RBFOX1: variants seen among roughly 807,000 people sequenced by gnomAD.
RBFOX1 encodes RNA binding fox-1 homolog 1.
Under a neutral mutation model 57.7 loss-of-function variants are expected in RBFOX1, and 8 were observed. The observed-to-expected ratio is 0.14, with a 90% CI of 0.08 to 0.25. RBFOX1 has a LOEUF of 0.25. Ranked by LOEUF, RBFOX1 falls within the 10% of genes least tolerant of loss-of-function variation. RBFOX1 has a pLI of 1.00. For missense variants in RBFOX1, 611 were observed against 548.5 expected, an observed-to-expected ratio of 1.11 and a Z score of -1.14; for synonymous variants, 326 against 222.4, an observed-to-expected ratio of 1.47 and a Z score of -4.15.
chr16:6,521,112 A>C (rs186098410), intron 2 of RBFOX1, among the ~76,000 whole-genome samples: 16 of 152,320 alleles, frequency 1.1e-4, no homozygotes, highest in Non-Finnish European at 1.8e-4. Context: ...GGTGGGAAGC[A>C]GGCTTACTAG....
chr16:6,114,025 C>T (rs533166247), intron 1 of RBFOX1, among the ~76,000 whole-genome samples: 3 of 143,214 alleles, frequency 2.1e-5, no homozygotes, highest in African/African-American at 8.3e-5. Flanking sequence ...AAACTACTGC[C>T]ACCTGGGGAG....
At chr16:5,651,912 C>A (rs967079361) in intron 3 of RBFOX1, among the ~76,000 whole-genome samples, 4 of 152,114 alleles carry the variant, frequency 2.6e-5, no homozygotes, top group African/African-American at 9.7e-5. Context: ...GCAGGAGGAT[C>A]GCTTGAGGTC....
At chr16:5,693,367 C>CAAAA (rs71142645) in intron 3 of RBFOX1, among the ~76,000 whole-genome samples, 1 of 148,370 alleles carries the variant, frequency 6.7e-6, no homozygotes. Context: ...ATAGGCAGAT[C>CAAAA]AAAAAAAAAA....
chr16:7,580,861 A>G (rs932741566), intron 6 of RBFOX1, among the ~76,000 whole-genome samples: 1 of 152,192 alleles, frequency 6.6e-6, no homozygotes, highest in Admixed American at 6.5e-5. Flanking sequence ...ATTCAATGAA[A>G]AGAACTACAT....
In RBFOX1 at chr16:6,639,604, C is replaced by T. The variant is rs537621608; in HGVS notation, c.-63-14999C>T. On this transcript the variant is annotated intron_variant, in intron 2 of 15. Transcript: ENST00000550418. ...AAAGATTACAATTGTGGGCCGGGCA[C>T]GGTGGCTCACGCCTGTAATCCCAGC... Among the ~76,000 whole-genome samples, 210 of 152,246 alleles carry T rather than the reference C, an allele frequency of 1.4e-3. 2 individuals carry two copies. Among genetic ancestry groups the T allele is most frequent in the Non-Finnish European group, 2.1e-3 (145 of 68,018 alleles).
At chr16:7,673,170 C>A (rs1170351892) in intron 13 of RBFOX1, among the ~76,000 whole-genome samples, 1 of 152,086 alleles carries the variant, frequency 6.6e-6, no homozygotes, top group Non-Finnish European at 1.5e-5. Flanking sequence ...GTTTCCCCTC[C>A]CCTATTTCAC....
intron 2 of RBFOX1, among the ~76,000 whole-genome samples, chr16:6,333,918 G>C (rs1174943646): frequency 6.6e-6 from 1 of 152,128 alleles, no homozygotes; most frequent in East Asian, 1.9e-4. Flanking sequence ...CTAACTCATA[G>C]AAGGGCATAA....
chr16:5,929,281 C>G (rs776963921), intron 4 of RBFOX1, among the ~76,000 whole-genome samples: 6 of 152,062 alleles, frequency 3.9e-5, no homozygotes, highest in Non-Finnish European at 8.8e-5. Flanking sequence ...AGTTCAAGTT[C>G]TTACTTAGGC....
intron 4 of RBFOX1, among the ~76,000 whole-genome samples, chr16:7,416,106 G>C (rs1045415411): frequency 6.6e-6 from 1 of 152,064 alleles, no homozygotes. Flanking sequence ...AATCTGAAAC[G>C]ATTGCTCCCA....
chr16:5,752,194 T>A (rs1447960765), intron 3 of RBFOX1, among the ~76,000 whole-genome samples: 1 of 152,192 alleles, frequency 6.6e-6, no homozygotes, highest in Non-Finnish European at 1.5e-5. Context: ...TACTGCATGT[T>A]CTTACTTAGA....
chr16:6,753,896 C>A (rs924768204), intron 3 of RBFOX1, among the ~76,000 whole-genome samples: 12 of 152,088 alleles, frequency 7.9e-5, no homozygotes, highest in African/African-American at 2.9e-4. Context: ...GTCATAAAAT[C>A]ATTCCCACCA....
At chr16:7,310,063 C>G (rs1400655352) in intron 4 of RBFOX1, among the ~76,000 whole-genome samples, 1 of 152,192 alleles carries the variant, frequency 6.6e-6, no homozygotes, top group Non-Finnish European at 1.5e-5. Context: ...CTCACCCAGC[C>G]CTATTGAGGG....
chr16:6,134,640 G>T (rs148575707), intron 1 of RBFOX1, among the ~76,000 whole-genome samples: 1 of 151,954 alleles, frequency 6.6e-6, no homozygotes, highest in Non-Finnish European at 1.5e-5. Context: ...TGAACTGTCA[G>T]TGCCCCCTGT....
chr16:7,064,214 G>A (rs948220693), intron 4 of RBFOX1, among the ~76,000 whole-genome samples: 1 of 135,606 alleles, frequency 7.4e-6, no homozygotes. Flanking sequence ...TGTGGCCTAG[G>A]CTGGAGTGCA....
In RBFOX1 at chr16:5,285,064, C is replaced by T. The variant is rs146852177; in HGVS notation, c.219+44959C>T. ...ATTAAATAGGTTTTCTATGCCTTTA[C>T]CCATCTCATCTCCATCTGGAACTCC... On this transcript the variant is annotated intron_variant, in intron 1 of 2. Coordinates refer to the RBFOX1 transcript ENST00000585867. 8.1e-4 allele frequency among the ~76,000 whole-genome samples: 123 copies of T among 152,172 alleles called. 2 individuals are homozygous for T. In the East Asian group the frequency reaches 0.022, roughly 27 times the overall value.
chr16:6,468,863 T>C (rs1351692958), intron 2 of RBFOX1, among the ~76,000 whole-genome samples: 2 of 152,092 alleles, frequency 1.3e-5, no homozygotes, highest in African/African-American at 4.8e-5. Context: ...TGGGGGTTCA[T>C]TGTACAGATT....
intron 1 of RBFOX1, among the ~76,000 whole-genome samples, chr16:6,242,538 T>G (rs893925803): frequency 2.2e-4 from 34 of 151,464 alleles, no homozygotes; most frequent in African/African-American, 7.3e-4. Flanking sequence ...CTGGTTGGAA[T>G]AATATTTTAC....
intron 3 of RBFOX1, among the ~76,000 whole-genome samples, chr16:6,939,022 G>A (rs1175742058): frequency 6.6e-6 from 1 of 152,134 alleles, no homozygotes; most frequent in Admixed American, 6.6e-5. Context: ...TTAGAGATCT[G>A]CCTTGACATG....
At chr16:7,412,573 T>G (rs986717801) in intron 4 of RBFOX1, among the ~76,000 whole-genome samples, 4 of 152,348 alleles carry the variant, frequency 2.6e-5, no homozygotes, top group African/African-American at 9.6e-5. Flanking sequence ...AAATATGGAC[T>G]AATCAAATAC....
Sources: allele counts gnomAD v4.1 joint callset (sites outside exome capture counted in the v4.1 genomes callset), GRCh38; gene constraint gnomAD v4.1.1; transcripts MANE v1.5; gene names NCBI Gene and HGNC (gene_info 2026-07-23, HGNC 2026-07-21).